The following SHISA9 variants were observed in gnomAD, a reference collection of about 807,000 sequenced individuals.
SHISA9 encodes the protein shisa family member 9.
In SHISA9, 13 loss-of-function variants were observed where a neutral mutation model predicts 38.0. That is an observed-to-expected ratio of 0.34 (90% confidence interval 0.22 to 0.54). SHISA9 has a LOEUF of 0.54. Ranked by LOEUF, SHISA9 falls within the 20% of genes least tolerant of loss-of-function variation. The pLI is 0.91. For synonymous variants in SHISA9, 275 were observed against 242.0 expected (o/e 1.14, Z -1.27); for missense variants, 538 against 575.8 (o/e 0.93, Z 0.67).
downstream of SHISA9, among the ~76,000 whole-genome samples, chr16:13,243,077 G>A (rs204037): frequency 0.6 from 91,525 of 151,508 alleles, 27,858 homozygotes; most frequent in East Asian, 0.73. Context: ...CATCTCTACT[G>A]AAAATACAAA....
At chr16:13,483,372 G>A in the SHISA9 span, among the ~76,000 whole-genome samples, 1 of 152,162 alleles carries the variant, frequency 6.6e-6, no homozygotes, top group Non-Finnish European at 1.5e-5. Context: ...AAATTGGAAG[G>A]AAACAAAATA....
chr16:13,000,525 A>T (rs1473160802), intron 2 of SHISA9, among the ~76,000 whole-genome samples: 1 of 152,164 alleles, frequency 6.6e-6, no homozygotes, highest in Non-Finnish European at 1.5e-5. Flanking sequence ...GCTACTGCAG[A>T]TTGGGAGGAG....
chr16:13,308,952 T>C, the SHISA9 span, among the ~76,000 whole-genome samples: 1 of 152,230 alleles, frequency 6.6e-6, no homozygotes, highest in African/African-American at 2.4e-5. Flanking sequence ...TAGTTAGTTA[T>C]GAAGAAACAA....
intron 2 of SHISA9, among the ~76,000 whole-genome samples, chr16:13,059,202 A>G (rs760073817): frequency 7.7e-6 from 1 of 129,886 alleles, no homozygotes; most frequent in Non-Finnish European, 1.5e-5. Context: ...ATCTCGGCTC[A>G]TTGCAAGCTC....
chr16:13,344,106 C>T, the SHISA9 span, among the ~76,000 whole-genome samples: 3 of 152,170 alleles, frequency 2.0e-5, no homozygotes, highest in East Asian at 5.8e-4. Context: ...ACAATTTCAT[C>T]ACCAATGTAT....
chr16:13,018,886 C>T (rs1053890620), intron 2 of SHISA9, among the ~76,000 whole-genome samples: 10 of 152,184 alleles, frequency 6.6e-5, no homozygotes, highest in African/African-American at 1.7e-4. Flanking sequence ...AACCGAAGAA[C>T]GCTGGAAAGC....
At chr16:13,059,117 CTATCTT>C (rs1469815578) in intron 2 of SHISA9, among the ~76,000 whole-genome samples, 2 of 140,000 alleles carry the variant, frequency 1.4e-5, no homozygotes, top group African/African-American at 5.4e-5. Flanking sequence ...TGTAAAAACT[CTATCTT>C]TTTTTTTTTT....
At chr16:13,209,304 G>A (rs1386491909) in intron 3 of SHISA9, among the ~76,000 whole-genome samples, 2 of 152,008 alleles carry the variant, frequency 1.3e-5, no homozygotes, top group Non-Finnish European at 2.9e-5. Flanking sequence ...AGGGAGAAAG[G>A]GTTGGTTCCA....
the SHISA9 span, among the ~76,000 whole-genome samples, chr16:13,283,237 T>G: frequency 6.6e-6 from 1 of 152,134 alleles, no homozygotes; most frequent in Non-Finnish European, 1.5e-5. Flanking sequence ...TAGAATGTAT[T>G]TATCAAATTT....
the SHISA9 span, among the ~76,000 whole-genome samples, chr16:13,542,372 C>T: frequency 1.3e-5 from 2 of 152,216 alleles, no homozygotes; most frequent in Non-Finnish European, 2.9e-5. Context: ...ACTGAACTTT[C>T]ACAACCATCC....
the SHISA9 span, among the ~76,000 whole-genome samples, chr16:13,502,717 A>G: frequency 6.6e-6 from 1 of 152,106 alleles, no homozygotes; most frequent in Non-Finnish European, 1.5e-5. Context: ...TCTACTAAAA[A>G]TACAAAACAA....
chr16:13,487,382 C>T, the SHISA9 span, among the ~76,000 whole-genome samples: 49 of 152,208 alleles, frequency 3.2e-4, no homozygotes, highest in South Asian at 9.1e-3. Context: ...CTGCTTCTGG[C>T]GAGGCCTCAG....
intron 2 of SHISA9, among the ~76,000 whole-genome samples, chr16:12,918,511 A>G (rs1346762449): frequency 1.3e-5 from 2 of 152,228 alleles, no homozygotes; most frequent in African/African-American, 4.8e-5. Context: ...TCATCATTCC[A>G]TCAGGTGGGC....
intron 2 of SHISA9, among the ~76,000 whole-genome samples, chr16:13,136,288 A>G (rs1172280799): frequency 1.3e-5 from 2 of 151,900 alleles, no homozygotes; most frequent in Non-Finnish European, 2.9e-5. Flanking sequence ...GAACTATTTT[A>G]TAAATAAAAA....
chr16:13,018,913 C>T (rs2072788624), intron 2 of SHISA9, among the ~76,000 whole-genome samples: 1 of 152,236 alleles, frequency 6.6e-6, no homozygotes, highest in Non-Finnish European at 1.5e-5. Flanking sequence ...CTACAAAGTG[C>T]AAACTCCTCA....
chr16:13,255,798 A>C, the SHISA9 span, among the ~76,000 whole-genome samples: 1 of 152,248 alleles, frequency 6.6e-6, no homozygotes, highest in Admixed American at 6.5e-5. Flanking sequence ...ACTTAAGAAG[A>C]CATGACTCCA....
At chr16:13,527,179 C>G in the SHISA9 span, among the ~76,000 whole-genome samples, 170 of 152,304 alleles carry the variant, frequency 1.1e-3, no homozygotes, top group Non-Finnish European at 2.2e-3. Flanking sequence ...ATGAAATTCA[C>G]TGGATCCTCA....
chr16:13,375,296 T>C, the SHISA9 span, among the ~76,000 whole-genome samples: 61 of 152,364 alleles, frequency 4.0e-4, no homozygotes, highest in African/African-American at 1.4e-3. Context: ...AGAGTTTTTA[T>C]GGTTTTAGGT....
chr16:13,215,619 T>A (rs1012104521), intron 4 of SHISA9, among the ~76,000 whole-genome samples: 2 of 152,208 alleles, frequency 1.3e-5, no homozygotes, highest in African/African-American at 2.4e-5. Context: ...TGTTGTCAGA[T>A]GCATTTAGAA....
Sources: allele counts gnomAD v4.1 joint callset (sites outside exome capture counted in the v4.1 genomes callset), GRCh38; gene constraint gnomAD v4.1.1; transcripts MANE v1.5; gene names NCBI Gene and HGNC (gene_info 2026-07-23, HGNC 2026-07-21).